Variants in RGPD4 observed in about 807,000 individuals in gnomAD.
RGPD4 encodes ranBP2-like and GRIP domain-containing protein 4.
Under a neutral mutation model 141.1 loss-of-function variants are expected in RGPD4, and 84 were observed. That is an observed-to-expected ratio of 0.60 (90% CI 0.50 to 0.71). The LOEUF is 0.71. Ranked by LOEUF, RGPD4 falls within the 30% of genes least tolerant of loss-of-function variation. The pLI, the probability that RGPD4 is intolerant of heterozygous loss-of-function variation, is 0.00. For missense variants in RGPD4, 918 were observed against 1,622.4 expected (o/e 0.57, Z 7.46); for synonymous variants, 298 against 566.8 (o/e 0.53, Z 6.74).
Position 107,861,685 on chromosome 2 carries a change from G to C in RGPD4, c.2150G>C (p.Gly717Ala). 6.2e-7 allele frequency: 1 copy of C among 1,601,644 alleles called. No individual in the cohort carries two copies. Among genetic ancestry groups the C allele is most frequent in the African/African-American group, 1.4e-5 (1 of 72,192 alleles). Residue 717 changes from glycine to alanine, a missense_variant, in exon 15 of 23, where the codon GGC becomes GCC. Coordinates refer to ENST00000408999, the MANE Select transcript of RGPD4 (RefSeq NM_182588.3). Reference protein sequence around the residue: ...ECKNYLRKTRGYLIKILDDSD... With the variant: ...ECKNYLRKTRAYLIKILDDSD... Reference sequence around the variant, plus strand: ...AAAAATTATCTGAGAAAGACCAGGGGCTACCTAATAAAGATTTTAGATGAC... The same window carrying C: ...AAAAATTATCTGAGAAAGACCAGGGCCTACCTAATAAAGATTTTAGATGAC...
chr2:107,871,213 T>C lies in RGPD4; in HGVS notation c.3209T>C (p.Phe1070Ser). The C allele has an allele frequency of 6.2e-7, 1 of 1,609,358 alleles. No individual in the cohort carries two copies. The highest frequency in any genetic ancestry group is 8.5e-7 in the Non-Finnish European group (1 of 1,179,594). Residue 1070 changes from phenylalanine (F) to serine (S), a missense_variant, in exon 20 of 23, where the codon TTT (phenylalanine) becomes TCT (serine). Transcript: ENST00000408999. ...TCACAGGGGGTAAAACTATTTAGATTTGATGCTGAGGTAAGGCAGTGGAAA... is the reference window on the plus strand; with the variant it reads ...TCACAGGGGGTAAAACTATTTAGATCTGATGCTGAGGTAAGGCAGTGGAAA... ...LYSQGVKLFR[F>S]DAEVRQWKER...
chr2:107,878,685 C>T (rs1490689978), intron 20 of RGPD4, among the ~76,000 whole-genome samples: 1 of 105,426 alleles, frequency 9.5e-6, no homozygotes, highest in Non-Finnish European at 2.0e-5. Context: ...TGGATGGATG[C>T]TTATTAAGTA....
intron 6 of RGPD4, among the ~76,000 whole-genome samples, chr2:107,845,590 C>G (rs1217157227): frequency 2.0e-5 from 3 of 152,192 alleles, no homozygotes; most frequent in Non-Finnish European, 4.4e-5. Context: ...CTGTGGGTGA[C>G]AGATGGTTTG....
At chr2:107,886,066 A>G (rs909668278) in intron 22 of RGPD4, among the ~76,000 whole-genome samples, 1 of 150,680 alleles carries the variant, frequency 6.6e-6, no homozygotes, top group African/African-American at 2.4e-5. Flanking sequence ...AAAAAAAAAA[A>G]AAAAGTAAAC....
At chr2:107,873,499 A>G (rs1193740386) in intron 20 of RGPD4, among the ~76,000 whole-genome samples, 5 of 146,212 alleles carry the variant, frequency 3.4e-5, no homozygotes, top group East Asian at 2.1e-4. Flanking sequence ...GCTTGAGCAC[A>G]GGAGATGGAG....
chr2:107,854,777 G>A, intron 8 of RGPD4, 134 bp downstream of exon 8: 1 of 1,139,320 alleles, frequency 8.8e-7, no homozygotes, highest in South Asian at 1.6e-5. Flanking sequence ...TCAGTTAAGA[G>A]CAATAGGTAT....
chr2:107,883,389 T>C (rs1277843250), intron 22 of RGPD4, among the ~76,000 whole-genome samples: 1 of 151,522 alleles, frequency 6.6e-6, no homozygotes, highest in Non-Finnish European at 1.5e-5. Flanking sequence ...CCCACCACTT[T>C]GGGAGGCCGA....
chr2:107,880,404 C>T lies in RGPD4; in HGVS notation c.5064+297C>T, dbSNP rs375924001. Among the ~76,000 whole-genome samples the T allele has an allele frequency of 3.0e-3, 449 of 150,018 alleles. 14 individuals are homozygous for T. The highest frequency in any genetic ancestry group is 0.01 in the African/African-American group (422 of 40,232). On this transcript the variant is annotated intron_variant, in intron 21 of 22. Coordinates refer to ENST00000408999, the MANE Select transcript of RGPD4 (RefSeq NM_182588.3). ...TCAGCCTCCCAAGTAGCTGGGACTA[C>T]AGGTGCCCGCCAACATGCCTGGCTA...
intron 22 of RGPD4, among the ~76,000 whole-genome samples, chr2:107,884,292 A>G (rs1675449387): frequency 6.6e-6 from 1 of 152,068 alleles, no homozygotes; most frequent in African/African-American, 2.4e-5. Flanking sequence ...AGTAGAGACG[A>G]GGTTTCACCA....
intron 1 of RGPD4, among the ~76,000 whole-genome samples, chr2:107,828,225 C>A (rs1390126794): frequency 3.0e-5 from 1 of 33,796 alleles, no homozygotes; most frequent in African/African-American, 1.5e-4. Context: ...CGGGCGGCGG[C>A]GGCCTCGACC....
intron 11 of RGPD4, 82 bp from the exon 12 acceptor site, chr2:107,859,640 A>G: frequency 6.2e-7 from 1 of 1,611,416 alleles, no homozygotes; most frequent in Non-Finnish European, 8.5e-7. Flanking sequence ...TTAATTTGTC[A>G]TGTGACCCAT....
At position 107,854,585 on chromosome 2, in the gene RGPD4, A is replaced by T; in HGVS notation, c.1008A>T (p.Lys336Asn). 1 of 1,530,188 alleles carries T rather than the reference A, an allele frequency of 6.5e-7. No homozygotes were observed. Among genetic ancestry groups the T allele is most frequent in the Non-Finnish European group, 8.8e-7 (1 of 1,136,096 alleles). 94.8% of individuals were successfully genotyped at this position (1,530,188 alleles called of 1,614,324 possible). A position where few individuals can be genotyped will look rare whatever the true frequency, so the allele number is the denominator to read the frequency against. The part of the protein sequence containing the change: ...QVPRPKIKLI[K>N]GEAGQNLLEM... ...CAAGACCAAAGATTAAATTAATAAAAGGTGAAGCTGGACAAAATCTGCTGG... is the reference window on the plus strand; with the variant it reads ...CAAGACCAAAGATTAAATTAATAAATGGTGAAGCTGGACAAAATCTGCTGG... The change falls in exon 8 of 23, where the codon AAA (lysine) becomes AAT (asparagine). Residue 336 changes from lysine (K) to asparagine (N), a missense_variant. By Grantham distance (94) the Lys-to-Asn change is moderately conservative (BLOSUM62 0). Transcript: ENST00000408999.
intron 18 of RGPD4, 92 bp from the exon 19 acceptor site, chr2:107,869,791 A>G: frequency 6.9e-7 from 1 of 1,459,426 alleles, no homozygotes; most frequent in South Asian, 1.3e-5. Context: ...TTTAATTTCT[A>G]TTGCTTTTGT....
At chr2:107,853,469 A>G (rs1487559627) in intron 7 of RGPD4, among the ~76,000 whole-genome samples, 1 of 144,882 alleles carries the variant, frequency 6.9e-6, no homozygotes, top group Non-Finnish European at 1.5e-5. Context: ...TTGCATGAGG[A>G]TCTCTTTAAT....
At chr2:107,846,447 G>A (rs1006049716) in intron 6 of RGPD4, among the ~76,000 whole-genome samples, 2 of 151,784 alleles carry the variant, frequency 1.3e-5, no homozygotes, top group Admixed American at 6.6e-5. Flanking sequence ...AATGTAATAA[G>A]CCCTACTGTG....
chr2:107,828,562 C>T (rs1209228652), intron 1 of RGPD4, among the ~76,000 whole-genome samples: 3 of 123,978 alleles, frequency 2.4e-5, no homozygotes, highest in Admixed American at 8.0e-5. Context: ...GGCGCTGCTC[C>T]CTGGCGCGCT....
At chr2:107,844,103 T>C (rs932520644) in intron 6 of RGPD4, among the ~76,000 whole-genome samples, 1 of 149,454 alleles carries the variant, frequency 6.7e-6, no homozygotes, top group Non-Finnish European at 1.5e-5. Flanking sequence ...ATCAGATGGC[T>C]AGGTTCACAT....
In RGPD4 at chr2:107,871,761, G is replaced by T; in HGVS notation, c.3757G>T (p.Asp1253Tyr). The T allele has an allele frequency of 6.2e-7, 1 of 1,611,382 alleles. No homozygotes were observed. Among genetic ancestry groups the T allele is most frequent in the Non-Finnish European group, 8.5e-7 (1 of 1,179,850 alleles). The part of the protein sequence containing the change: ...TGPTLEWDNC[D>Y]LREDALDDSV... The stretch of plus-strand genomic sequence containing the variant: ...GCCCACATTAGAATGGGATAACTGT[G>T]ATTTAAGGGAAGATGCTTTGGATGA... The change falls in exon 20 of 23, where the codon GAT becomes TAT. Residue 1253 changes from aspartate to tyrosine, a missense_variant. Coordinates refer to ENST00000408999, the MANE Select transcript of RGPD4 (RefSeq NM_182588.3).
chr2:107,888,686 C>T (rs1573538810), intron 22 of RGPD4, among the ~76,000 whole-genome samples: 1 of 117,602 alleles, frequency 8.5e-6, no homozygotes, highest in Admixed American at 8.5e-5. Context: ...ATTGTGGCTT[C>T]TATCTTGCTA....
Sources: allele counts gnomAD v4.1 joint callset (sites outside exome capture counted in the v4.1 genomes callset), GRCh38; gene constraint gnomAD v4.1.1; transcripts MANE v1.5; gene names NCBI Gene and HGNC (gene_info 2026-07-23, HGNC 2026-07-21).